Variants in MAPK6 observed in about 807,000 individuals in gnomAD.
The protein encoded by MAPK6 is ERK-3.
Under a neutral mutation model 59.3 loss-of-function variants are expected in MAPK6, and 19 were observed. The ratio of observed to expected loss-of-function variants is 0.32; its 90% CI spans 0.22 to 0.47. MAPK6 has a LOEUF of 0.47. Among genes scored for constraint, MAPK6 ranks in the 20% least tolerant of loss-of-function variants. The pLI is 1.00. For missense variants in MAPK6, 724 were observed against 847.9 expected (o/e 0.85, Z 1.81); for synonymous variants, 316 against 290.3 (o/e 1.09, Z -0.90).
chr15:52,050,120 G>C lies in MAPK6; in HGVS notation c.683G>C (p.Gly228Ala), dbSNP rs1265626471. ...TGCATCTTTGCTGAAATGCTGACTG[G>C]TAAAACCCTTTTTGCAGGTTAGTAT... Reference protein sequence around the residue: ...AGCIFAEMLTGKTLFAGAHEL... With the variant: ...AGCIFAEMLTAKTLFAGAHEL... Residue 228 changes from glycine to alanine, a missense_variant, in exon 3 of 6, where the codon GGT becomes GCT. By Grantham distance (60) the Gly-to-Ala change is moderately conservative. Transcript: ENST00000261845. The C allele has an allele frequency of 1.2e-6, 2 of 1,608,416 alleles. No individual in the cohort carries two copies. Among genetic ancestry groups the C allele is most frequent in the Non-Finnish European group, 1.7e-6 (2 of 1,178,870 alleles).
intron 2 of MAPK6, among the ~76,000 whole-genome samples, chr15:51,985,328 G>A (rs1465551837): frequency 6.6e-6 from 1 of 151,978 alleles, no homozygotes; most frequent in Non-Finnish European, 1.5e-5. Context: ...GGGTGACAGA[G>A]TGAGACCCCA....
chr15:52,064,656 A>T lies in MAPK6; in HGVS notation c.1822A>T (p.Asn608Tyr). 6.2e-7 allele frequency: 1 copy of T among 1,611,716 alleles called. No homozygotes were observed. Among genetic ancestry groups the T allele is most frequent in the East Asian group, 2.2e-5 (1 of 44,888 alleles). The change falls in exon 6 of 6, where the codon AAT becomes TAT. Residue 608 changes from asparagine to tyrosine, a missense_variant. Physicochemically the swap from Asn to Tyr is moderately radical, Grantham distance 143. Transcript: ENST00000261845. Reference protein sequence around the residue: ...VSGGEDCFFINQFCEVRKDEQ... With the variant: ...VSGGEDCFFIYQFCEVRKDEQ... ...TGGTGGGGAGGACTGTTTTTTCATAAATCAGTTTTGTGAGGTAAGGAAGGA... is the reference window on the plus strand; with the variant it reads ...TGGTGGGGAGGACTGTTTTTTCATATATCAGTTTTGTGAGGTAAGGAAGGA...
rs1455303267 is a variant in MAPK6, at chr15:52,065,878, G to C, written c.*878G>C. 6.6e-6 allele frequency: 1 copy of C among 152,508 alleles called. No homozygotes were observed. The highest frequency in any genetic ancestry group is 2.4e-5 in the African/African-American group (1 of 41,404). The allele number at this position is 152,508 out of a possible 1,614,324, so 9.4% of individuals were successfully genotyped here. A position where few individuals can be genotyped will look rare whatever the true frequency, so the allele number is the denominator to read the frequency against. ...TAAGTAACGTGCTCACTGTGTATAG[G>C]AATTTGTATTTTGGAGGTGCTTGAT... is the stretch of plus-strand genomic sequence containing the variant. On this transcript the variant is annotated 3_prime_UTR_variant, in exon 6 of 6. Coordinates refer to ENST00000261845, the MANE Select transcript of MAPK6 (RefSeq NM_002748.4).
At chr15:51,998,208 C>T (rs1372771012) in intron 2 of MAPK6, among the ~76,000 whole-genome samples, 1 of 151,864 alleles carries the variant, frequency 6.6e-6, no homozygotes, top group Non-Finnish European at 1.5e-5. Flanking sequence ...TCCCAAGGTG[C>T]TGAGATTACA....
chr15:52,002,058 A>G (rs954248854), intron 2 of MAPK6, among the ~76,000 whole-genome samples: 13 of 152,200 alleles, frequency 8.5e-5, no homozygotes, highest in African/African-American at 3.1e-4. Context: ...ACCTTAGGTC[A>G]CGAAAGTCTC....
chr15:51,998,303 C>T (rs1209223831), intron 2 of MAPK6, among the ~76,000 whole-genome samples: 9 of 151,916 alleles, frequency 5.9e-5, no homozygotes, highest in Admixed American at 2.0e-4. Flanking sequence ...CTCCCGAGTT[C>T]AAGTGATTTT....
chr15:52,003,599 A>G (rs2057249173), intron 2 of MAPK6, among the ~76,000 whole-genome samples: 1 of 152,260 alleles, frequency 6.6e-6, no homozygotes, highest in Non-Finnish European at 1.5e-5. Context: ...CACAGGTATC[A>G]TGTCAGCAAT....
chr15:52,031,757 A>G (rs1317934341), intron 1 of MAPK6, among the ~76,000 whole-genome samples: 3 of 152,184 alleles, frequency 2.0e-5, no homozygotes, highest in Non-Finnish European at 2.9e-5. Flanking sequence ...ACCTTGAGCA[A>G]TGGAGGTGGA....
intron 1 of MAPK6, among the ~76,000 whole-genome samples, chr15:51,981,423 G>A (rs1192539793): frequency 6.7e-6 from 1 of 149,866 alleles, no homozygotes; most frequent in Non-Finnish European, 1.5e-5. Flanking sequence ...AGTGAGCCGA[G>A]ATCGTGCCAC....
chr15:51,977,067 G>A (rs1185148889), intron 1 of MAPK6, among the ~76,000 whole-genome samples: 1 of 151,130 alleles, frequency 6.6e-6, no homozygotes, highest in Non-Finnish European at 1.5e-5. Context: ...GCAGTGGTAC[G>A]ATCTTGGCTC....
chr15:52,063,431 C>T (rs1029584997), intron 5 of MAPK6, among the ~76,000 whole-genome samples: 1 of 152,158 alleles, frequency 6.6e-6, no homozygotes, highest in East Asian at 1.9e-4. Flanking sequence ...TTATACATGT[C>T]AGTAATAGGA....
chr15:52,051,091 T>C (rs1000749304), intron 3 of MAPK6, among the ~76,000 whole-genome samples: 4 of 152,064 alleles, frequency 2.6e-5, no homozygotes, highest in Admixed American at 2.6e-4. Flanking sequence ...GGAGTCTTGC[T>C]CTGTCACCCA....
At chr15:52,038,489 T>C (rs1165567606) in intron 1 of MAPK6, among the ~76,000 whole-genome samples, 1 of 152,188 alleles carries the variant, frequency 6.6e-6, no homozygotes, top group Non-Finnish European at 1.5e-5. Flanking sequence ...TTGCATGTAA[T>C]TGGTAGAGAT....
At chr15:51,973,228 A>G (rs917167912) in intron 1 of MAPK6, among the ~76,000 whole-genome samples, 1 of 151,610 alleles carries the variant, frequency 6.6e-6, no homozygotes, top group Non-Finnish European at 1.5e-5. Flanking sequence ...CGGATGTTGC[A>G]AGAGAAGATA....
At chr15:52,045,669 G>A (rs1032921477) in intron 1 of MAPK6, among the ~76,000 whole-genome samples, 161 bp from the exon 2 acceptor site, 1 of 152,168 alleles carries the variant, frequency 6.6e-6, no homozygotes, top group Admixed American at 6.5e-5. Flanking sequence ...ATTTTTGTAA[G>A]CTATTTTTGA....
intron 1 of MAPK6, among the ~76,000 whole-genome samples, chr15:52,043,674 A>G (rs1001922355): frequency 4.6e-5 from 7 of 151,398 alleles, no homozygotes. Context: ...TCCACTGGCT[A>G]AAGACCAAAG....
At chr15:52,013,892 A>G (rs2030160776) in intron 3 of MAPK6, among the ~76,000 whole-genome samples, 1 of 152,146 alleles carries the variant, frequency 6.6e-6, no homozygotes, top group South Asian at 2.1e-4. Flanking sequence ...TACTAGTTGT[A>G]TCCTTTATGT....
chr15:52,054,729 T>TACACACACACAC (rs35669914), intron 3 of MAPK6, among the ~76,000 whole-genome samples: 1 of 147,034 alleles, frequency 6.8e-6, no homozygotes, highest in African/African-American at 2.5e-5. Flanking sequence ...CATATATCTA[T>TACACACACACAC]ACACACACAC....
intron 4 of MAPK6, among the ~76,000 whole-genome samples, chr15:52,059,602 G>A (rs1456208706): frequency 1.3e-5 from 2 of 152,198 alleles, no homozygotes; most frequent in Non-Finnish European, 2.9e-5. Context: ...TCAAGAGGAC[G>A]GTGCTGTTGA....
Sources: allele counts gnomAD v4.1 joint callset (sites outside exome capture counted in the v4.1 genomes callset), GRCh38; gene constraint gnomAD v4.1.1; transcripts MANE v1.5; gene names NCBI Gene and HGNC (gene_info 2026-07-23, HGNC 2026-07-21).